The following IMPG1 variants were observed in gnomAD, a reference collection of about 807,000 sequenced individuals.
IMPG1 encodes the protein interphotoreceptor matrix proteoglycan 1.
In IMPG1, 85 loss-of-function variants were observed where a neutral mutation model predicts 92.0. That is an observed-to-expected ratio of 0.92 (90% confidence interval 0.78 to 1.11). IMPG1 has a LOEUF of 1.11. Among genes scored for constraint, IMPG1 ranks in the 50% least tolerant of loss-of-function variants. The probability of loss-of-function intolerance (pLI) is 0.00; values close to 1 mark genes in which losing one functional copy is unlikely to be tolerated. For missense variants in IMPG1, 1,022 were observed against 956.0 expected, an observed-to-expected ratio of 1.07 and a Z score of -0.91; for synonymous variants, 367 against 334.1, an observed-to-expected ratio of 1.10 and a Z score of -1.08.
chr6:76,022,191 G>C lies in IMPG1; in HGVS notation c.591C>G (p.Phe197Leu). 6.3e-7 allele frequency: 1 copy of C among 1,594,506 alleles called. No individual in the cohort carries two copies. Among genetic ancestry groups the C allele is most frequent in the Non-Finnish European group, 8.6e-7 (1 of 1,166,470 alleles). The change falls in exon 6 of 17, where the codon TTC (phenylalanine) becomes TTG (leucine). Residue 197 changes from phenylalanine to leucine, a missense_variant. Transcript: ENST00000369950. ...GGAGGGTGTCATCAGGAGTGAGAGGGAAAGGCCCAAGTGAGACGTTGGCAA... is the reference window on the plus strand; with the variant it reads ...GGAGGGTGTCATCAGGAGTGAGAGGCAAAGGCCCAAGTGAGACGTTGGCAA... ...TDVANVSLGP[F>L]PLTPDDTLLN...
At chr6:76,065,105 C>A (rs1197217259) in intron 1 of IMPG1, among the ~76,000 whole-genome samples, 2 of 151,720 alleles carry the variant, frequency 1.3e-5, no homozygotes, top group Non-Finnish European at 2.9e-5. Context: ...TGTCCAAATG[C>A]AAATAAATTC....
At chr6:76,020,478 G>A (rs898297903) in intron 6 of IMPG1, among the ~76,000 whole-genome samples, 1 of 152,200 alleles carries the variant, frequency 6.6e-6, no homozygotes, top group Non-Finnish European at 1.5e-5. Context: ...GAGCTGGTGA[G>A]GCTGAACTTT....
chr6:75,947,495 C>T lies in IMPG1; in HGVS notation c.1863G>A (p.Lys621=), dbSNP rs1582059786. 12 of 1,613,576 alleles carry T rather than the reference C, an allele frequency of 7.4e-6. No individual in the cohort carries two copies. The East Asian group carries it at 2.5e-4, about 33-fold the overall frequency. Residue 621 remains lysine (K), a synonymous_variant, in exon 14 of 17, where the codon AAG becomes AAA. Transcript: ENST00000369950. ...TTCTGAAGTTAAGTATTTCAAGTTGCTTAAATCCTGTAAGATTGGATCGTA... is the reference window on the plus strand; with the variant it reads ...TTCTGAAGTTAAGTATTTCAAGTTGTTTAAATCCTGTAAGATTGGATCGTA... ...PYLRSNLTGF[K]QLEILNFRNG...
rs774319748 is a variant in IMPG1 at position 76,018,809 on chromosome 6, C to A, written c.716G>T (p.Ser239Ile). 3.7e-6 allele frequency: 6 copies of A among 1,612,484 alleles called. No individual in the cohort carries two copies. In the East Asian group the frequency reaches 1.1e-4, roughly 30 times the overall value. The change falls in exon 7 of 17, where the codon AGC (serine) becomes ATC (isoleucine). Residue 239 changes from serine to isoleucine, a missense_variant. Physicochemically the swap from Ser to Ile is moderately radical, Grantham distance 142. This residue lies in a region of IMPG1 where 681 missense variants were observed against 583.6 expected (regional missense o/e 1.17). Transcript: ENST00000369950. Reference sequence around the variant, plus strand: ...GAACTTCTGGTTTACCAGAGAGACGCTGAGCTCCACCCTCTGCTCCTCCAA... The same window carrying A: ...GAACTTCTGGTTTACCAGAGAGACGATGAGCTCCACCCTCTGCTCCTCCAA... ...AVLEEQRVEL[S>I]VSLVNQKFKA...
chr6:75,976,154 T>C lies in IMPG1; in HGVS notation c.1292-25060A>G, dbSNP rs540027957. The stretch of plus-strand genomic sequence containing the variant: ...AATGAGGTAAATAAAATCTTCAATA[T>C]GTGTTCATTTTACATTTAAATGAGG... On this transcript the variant is annotated intron_variant, in intron 12 of 16. Coordinates refer to ENST00000369950, the MANE Select transcript of IMPG1 (RefSeq NM_001563.4). Among the ~76,000 whole-genome samples, 11 of 152,346 alleles carry C rather than the reference T, an allele frequency of 7.2e-5. No homozygotes were observed. In the South Asian group the frequency reaches 2.1e-3, roughly 29 times the overall value.
At chr6:75,922,668 C>T (rs1332577258) in intron 16 of IMPG1, among the ~76,000 whole-genome samples, 4 of 152,154 alleles carry the variant, frequency 2.6e-5, no homozygotes, top group African/African-American at 7.2e-5. Context: ...TCTGGTACTT[C>T]GGGATTTAGT....
chr6:75,951,065 A>G lies in IMPG1; in HGVS notation c.1321T>C (p.Ser441Pro), dbSNP rs768671952. The change falls in exon 13 of 17, where the codon TCT (serine) becomes CCT (proline). Residue 441 changes from serine to proline, a missense_variant. Transcript: ENST00000369950. ...DTSWSPPAMA[S>P]TSLSEAPPFF... ...GGTGGAGCTTCTGACAGGGAGGTAG[A>G]GGCCATAGCAGGTGGAGACCAAGAA... is the stretch of plus-strand genomic sequence containing the variant. 6.2e-7 allele frequency: 1 copy of G among 1,612,482 alleles called. No homozygotes were observed. Among genetic ancestry groups the G allele is most frequent in the South Asian group, 1.1e-5 (1 of 90,846 alleles).
intron 12 of IMPG1, among the ~76,000 whole-genome samples, chr6:75,957,741 T>C (rs1175540295): frequency 6.6e-6 from 1 of 152,230 alleles, no homozygotes; most frequent in African/African-American, 2.4e-5. Context: ...GCTTTGTTTT[T>C]GCTTTCCATT....
intron 2 of IMPG1, among the ~76,000 whole-genome samples, chr6:76,036,480 A>G (rs1483780293): frequency 6.6e-6 from 1 of 152,228 alleles, no homozygotes; most frequent in Non-Finnish European, 1.5e-5. Flanking sequence ...TTTAGTTTTA[A>G]TTGATTATAT....
At position 76,011,153 on chromosome 6, in the gene IMPG1, TTC is replaced by T; in HGVS notation, c.866+11_866+12del. 7.3e-7 allele frequency: 1 copy of T among 1,369,512 alleles called. No individual in the cohort carries two copies. The highest frequency in any genetic ancestry group is 1.0e-6 in the Non-Finnish European group (1 of 964,556). The allele number at this position is 1,369,512 out of a possible 1,614,324, so 84.8% of individuals were successfully genotyped here. ...AATTTAAAAATTGAGAAGAGTTTGA[TTC>T]TCTTACTTACCTAAATCCTAACACA... On this transcript the variant is annotated intron_variant, in intron 8 of 16. Coordinates refer to ENST00000369950, the MANE Select transcript of IMPG1 (RefSeq NM_001563.4).
intron 12 of IMPG1, among the ~76,000 whole-genome samples, chr6:75,982,829 G>A (rs113897758): frequency 3.3e-5 from 5 of 152,020 alleles, no homozygotes; most frequent in Non-Finnish European, 5.9e-5. Flanking sequence ...ACTTTATATA[G>A]TTTCTACTGT....
chr6:76,065,060 T>C (rs943983985), intron 1 of IMPG1, among the ~76,000 whole-genome samples: 1 of 151,910 alleles, frequency 6.6e-6, no homozygotes, highest in Admixed American at 6.6e-5. Context: ...ATATACAACA[T>C]ACATTATAGT....
intron 6 of IMPG1, among the ~76,000 whole-genome samples, chr6:76,020,568 C>T (rs4708205): frequency 0.094 from 14,307 of 152,138 alleles, 742 homozygotes; most frequent in East Asian, 0.16. Flanking sequence ...AGTCACCTCT[C>T]AGGCCCCAGG....
intron 1 of IMPG1, among the ~76,000 whole-genome samples, chr6:76,071,093 GTATAA>G (rs1311913754): frequency 4.0e-5 from 6 of 149,080 alleles, no homozygotes; most frequent in East Asian, 2.0e-4. Flanking sequence ...ATTCCTATAT[GTATAA>G]TATATTACAT....
chr6:75,939,145 A>G (rs1346505152), intron 14 of IMPG1, among the ~76,000 whole-genome samples: 1 of 152,192 alleles, frequency 6.6e-6, no homozygotes, highest in African/African-American at 2.4e-5. Flanking sequence ...AGCCTTCACT[A>G]AACTTAAGAC....
intron 15 of IMPG1, chr6:75,928,410 G>A (rs56244956): frequency 0.12 from 18,696 of 152,144 alleles, 1,222 homozygotes; most frequent in Middle Eastern, 0.18. Context: ...TGTTGGCCAG[G>A]CTGGTCTCCA....
chr6:75,990,551 T>C (rs1358727164), intron 12 of IMPG1, among the ~76,000 whole-genome samples: 1 of 151,030 alleles, frequency 6.6e-6, no homozygotes, highest in Non-Finnish European at 1.5e-5. Flanking sequence ...CCCAGGAGTT[T>C]GGGAACAGCC....
At chr6:76,031,042 C>A (rs1582117535) in intron 4 of IMPG1, among the ~76,000 whole-genome samples, 1 of 152,110 alleles carries the variant, frequency 6.6e-6, no homozygotes, top group Non-Finnish European at 1.5e-5. Flanking sequence ...TCTTCCTTTC[C>A]ACCCAATAAA....
At position 76,005,420 on chromosome 6, in the gene IMPG1, T is replaced by G. The variant is rs547172376; in HGVS notation, c.1002A>C (p.Glu334Asp). ...CCTCCTCCATGGTTCCATGATAGAC[T>G]TCCTCACTTTCAATTTTGTTGGAAT... The part of the protein sequence containing the change: ...SFDSNKIESE[E>D]VYHGTMEEDK... The change falls in exon 10 of 17, where the codon GAA (glutamate) becomes GAC (aspartate). Residue 334 changes from glutamate to aspartate, a missense_variant. Transcript: ENST00000369950. 4 of 1,614,100 alleles carry G rather than the reference T, an allele frequency of 2.5e-6. No homozygotes were observed. In the East Asian group the frequency reaches 6.7e-5, roughly 27 times the overall value.
Sources: gnomAD v4.1 joint callset for allele counts (sites outside exome capture counted in the v4.1 genomes callset) on GRCh38, gnomAD v4.1.1 for gene constraint, gnomAD v4.1.1 regional missense constraint, MANE v1.5 for transcripts, NCBI Gene and HGNC (gene_info 2026-07-23, HGNC 2026-07-21) for gene names.